CLOCK: variants seen among roughly 807,000 people sequenced by gnomAD.
The protein encoded by CLOCK is circadian locomoter output cycles protein kaput.
CLOCK carries 43 observed loss-of-function variants against 118.4 expected under a neutral mutation model. The ratio of observed to expected loss-of-function variants is 0.36; its 90% CI spans 0.28 to 0.47. The LOEUF (loss-of-function observed/expected upper bound fraction) is 0.47, where lower values mean the gene tolerates loss of function less well. CLOCK is among the 20% of genes least tolerant of loss of function. CLOCK has a pLI of 1.00. For missense variants in CLOCK, 846 were observed against 999.9 expected (o/e 0.85, Z 2.08); for synonymous variants, 326 against 339.2 (o/e 0.96, Z 0.43).
intron 11 of CLOCK, among the ~76,000 whole-genome samples, chr4:55,457,086 C>G (rs11133384): frequency 0.34 from 51,419 of 152,114 alleles, 9,389 homozygotes; most frequent in East Asian, 0.58. Flanking sequence ...TACACATTTT[C>G]CATTCACACA....
At chr4:55,533,930 T>TG (rs1730717445) in intron 1 of CLOCK, among the ~76,000 whole-genome samples, 1 of 152,132 alleles carries the variant, frequency 6.6e-6, no homozygotes, top group Non-Finnish European at 1.5e-5. Context: ...ACAAAGTGCT[T>TG]GTTTAAGATG....
At position 55,430,950 on chromosome 4, in the gene CLOCK, C is replaced by G. The variant is rs1400021393; in HGVS notation, c.*4465G>C. ...AAAGTTCATTTGGCTATCTTGAAAT[C>G]ACTCCCATAAACCAACTACGGTTCA... On this transcript the variant is annotated 3_prime_UTR_variant, in exon 23 of 23. Coordinates refer to ENST00000513440, the MANE Select transcript of CLOCK (RefSeq NM_004898.4). 2.6e-5 allele frequency: 4 copies of G among 152,196 alleles called. No individual in the cohort carries two copies. Among genetic ancestry groups the G allele is most frequent in the Non-Finnish European group, 5.9e-5 (4 of 68,018 alleles). The allele number at this position is 152,196 out of a possible 1,614,324, so 9.4% of individuals were successfully genotyped here. A position where few individuals can be genotyped will look rare whatever the true frequency, so the allele number is the denominator to read the frequency against.
chr4:55,474,133 G>C (rs116623809), intron 7 of CLOCK, among the ~76,000 whole-genome samples: 1,791 of 152,280 alleles, frequency 0.012, 15 homozygotes, highest in Middle Eastern at 0.054. Context: ...AAGTAGCAAA[G>C]TTGTGAATGA....
chr4:55,524,689 A>C (rs1730058530), intron 1 of CLOCK, among the ~76,000 whole-genome samples: 1 of 152,218 alleles, frequency 6.6e-6, no homozygotes, highest in Non-Finnish European at 1.5e-5. Flanking sequence ...AGTGATTCAC[A>C]TGAAATTTCT....
rs1370168842 is a variant in CLOCK, at chr4:55,433,679, C to T, written c.*1736G>A. The stretch of plus-strand genomic sequence containing the variant: ...TTATATTCTAATAATGTATTTTCTA[C>T]TAATCCTCTTTTGTTCTATCACTGT... On this transcript the variant is annotated 3_prime_UTR_variant, in exon 23 of 23. Coordinates refer to ENST00000513440, the MANE Select transcript of CLOCK (RefSeq NM_004898.4). 1 of 152,118 alleles carries T rather than the reference C, an allele frequency of 6.6e-6. No individual in the cohort carries two copies. The highest frequency in any genetic ancestry group is 1.5e-5 in the Non-Finnish European group (1 of 68,022). The allele number at this position is 152,118 out of a possible 1,614,324, so 9.4% of individuals were successfully genotyped here. A position where few individuals can be genotyped will look rare whatever the true frequency, so the allele number is the denominator to read the frequency against.
At chr4:55,490,323 A>AATAT (rs373003546) in intron 2 of CLOCK, among the ~76,000 whole-genome samples, 1 of 150,456 alleles carries the variant, frequency 6.6e-6, no homozygotes, top group East Asian at 1.9e-4. Flanking sequence ...AGCAATTATA[A>AATAT]ATATATATAT....
intron 2 of CLOCK, among the ~76,000 whole-genome samples, chr4:55,497,333 C>T (rs1394702619): frequency 6.6e-6 from 1 of 152,164 alleles, no homozygotes; most frequent in African/African-American, 2.4e-5. Context: ...TACATTAAGC[C>T]CACATAGATA....
intron 6 of CLOCK, 42 bp from the exon 7 acceptor site, chr4:55,476,096 G>A (rs759437977): frequency 1.1e-5 from 14 of 1,305,746 alleles, no homozygotes; most frequent in Middle Eastern, 1.8e-4. Flanking sequence ...TCCAACCACC[G>A]GAGGAGTACA....
At chr4:55,454,703 C>T (rs775028969) in intron 13 of CLOCK, among the ~76,000 whole-genome samples, 1 of 150,762 alleles carries the variant, frequency 6.6e-6, no homozygotes, top group Non-Finnish European at 1.5e-5. Context: ...TTTCTCAAAA[C>T]CTAGAGTATG....
intron 4 of CLOCK, 36 bp downstream of exon 4, chr4:55,482,703 T>A (rs2109912364): frequency 7.1e-7 from 1 of 1,407,450 alleles, no homozygotes; most frequent in Non-Finnish European, 9.8e-7. Flanking sequence ...TTTAAAATAA[T>A]TATATATAAC....
chr4:55,448,596 G>GCGCA (rs1724110289), intron 18 of CLOCK, among the ~76,000 whole-genome samples, 183 bp downstream of exon 18: 1 of 108,718 alleles, frequency 9.2e-6, no homozygotes, highest in Non-Finnish European at 1.7e-5. Flanking sequence ...GCGCGCGCAC[G>GCGCA]CGCGCGTGTG....
chr4:55,542,366 A>G (rs1731325173), intron 1 of CLOCK, among the ~76,000 whole-genome samples: 1 of 42,212 alleles, frequency 2.4e-5, no homozygotes, highest in Admixed American at 3.1e-4. Flanking sequence ...TAATAATAAT[A>G]ATAATAATAA....
intron 17 of CLOCK, 81 bp downstream of exon 17, chr4:55,449,315 T>C (rs377183784): frequency 4.9e-5 from 62 of 1,263,500 alleles, no homozygotes; most frequent in East Asian, 3.2e-4. Context: ...GGGTGACAAA[T>C]AGATGAATTT....
At chr4:55,482,703 TTATATATA>T in intron 4 of CLOCK, 28 bp downstream of exon 4, 3 of 1,407,450 alleles carry the variant, frequency 2.1e-6, no homozygotes, top group Non-Finnish European at 2.9e-6. Flanking sequence ...TTTAAAATAA[TTATATATA>T]ACTTAAAATA....
intron 3 of CLOCK, among the ~76,000 whole-genome samples, chr4:55,486,023 C>G (rs1031459190): frequency 6.6e-6 from 1 of 152,166 alleles, no homozygotes; most frequent in African/African-American, 2.4e-5. Context: ...GACTTCCCAG[C>G]TCAACATGTA....
At chr4:55,458,363 C>T (rs536300536) in intron 11 of CLOCK, among the ~76,000 whole-genome samples, 12 of 152,032 alleles carry the variant, frequency 7.9e-5, no homozygotes, top group African/African-American at 2.9e-4. Flanking sequence ...CGCCTGGCCC[C>T]GCCGAAATTT....
At chr4:55,532,128 T>C (rs928282606) in intron 1 of CLOCK, among the ~76,000 whole-genome samples, 2 of 152,092 alleles carry the variant, frequency 1.3e-5, no homozygotes, top group Non-Finnish European at 2.9e-5. Context: ...CACCCTTCCA[T>C]GATAAAAACA....
At chr4:55,498,759 G>T (rs1007777222) in intron 2 of CLOCK, among the ~76,000 whole-genome samples, 1 of 152,112 alleles carries the variant, frequency 6.6e-6, no homozygotes. Flanking sequence ...CATCACGTAA[G>T]TAGGAGTAAA....
chr4:55,523,152 T>G (rs1021858044), intron 1 of CLOCK, among the ~76,000 whole-genome samples: 2 of 151,386 alleles, frequency 1.3e-5, no homozygotes, highest in African/African-American at 4.9e-5. Context: ...AAAAAAAAAT[T>G]AGCTAGGCAT....
Sources: gnomAD v4.1 joint callset for allele counts (sites outside exome capture counted in the v4.1 genomes callset) on GRCh38, gnomAD v4.1.1 for gene constraint, MANE v1.5 for transcripts, NCBI Gene and HGNC (gene_info 2026-07-23, HGNC 2026-07-21) for gene names.